ARHGAP10: variants seen among roughly 807,000 people sequenced by gnomAD.
The protein encoded by ARHGAP10 is Rho GTPase activating protein 10, also known as rho GTPase-activating protein 10.
Under a neutral mutation model 108.6 loss-of-function variants are expected in ARHGAP10, and 87 were observed. The ratio of observed to expected loss-of-function variants is 0.80; its 90% CI spans 0.67 to 0.96. ARHGAP10 has a LOEUF of 0.96. Ranked by LOEUF, ARHGAP10 falls within the 40% of genes least tolerant of loss-of-function variation. The probability of loss-of-function intolerance (pLI) is 0.00; values close to 1 mark genes in which losing one functional copy is unlikely to be tolerated. For synonymous variants in ARHGAP10, 347 were observed against 341.1 expected (o/e 1.02, Z -0.19); for missense variants, 939 against 954.5 (o/e 0.98, Z 0.21).
intron 10 of ARHGAP10, among the ~76,000 whole-genome samples, chr4:147,905,750 T>A (rs2126908163): frequency 6.7e-6 from 1 of 149,372 alleles, no homozygotes; most frequent in African/African-American, 2.4e-5. Context: ...TTTAAAGTAG[T>A]TTTTTCCAGT....
chr4:148,013,010 T>G (rs2149655691), intron 18 of ARHGAP10, among the ~76,000 whole-genome samples: 1 of 151,978 alleles, frequency 6.6e-6, no homozygotes, highest in South Asian at 2.1e-4. Flanking sequence ...TATTATCACC[T>G]TTGTAACATG....
chr4:148,030,003 CCA>C (rs1560883082), intron 19 of ARHGAP10, among the ~76,000 whole-genome samples: 1 of 151,566 alleles, frequency 6.6e-6, no homozygotes, highest in Admixed American at 6.6e-5. Flanking sequence ...ATCCCCCCCC[CCA>C]CCAACCCCAA....
intron 1 of ARHGAP10, among the ~76,000 whole-genome samples, chr4:147,789,371 C>T (rs922840204): frequency 5.3e-5 from 8 of 152,216 alleles, no homozygotes; most frequent in African/African-American, 1.9e-4. Context: ...CTCACTGCTA[C>T]CTCTGCCTCC....
intron 22 of ARHGAP10, among the ~76,000 whole-genome samples, chr4:148,071,640 A>AG (rs1730186087): frequency 7.1e-6 from 1 of 141,510 alleles, no homozygotes. Flanking sequence ...CAAACAAACA[A>AG]AAAAAAACAC....
intron 8 of ARHGAP10, among the ~76,000 whole-genome samples, chr4:147,877,315 CA>C (rs1735114908): frequency 6.6e-6 from 1 of 151,828 alleles, no homozygotes; most frequent in Admixed American, 6.6e-5. Flanking sequence ...CTTTAAAACA[CA>C]AAGCAATGTT....
At chr4:147,925,153 C>T (rs1381820170) in intron 13 of ARHGAP10, among the ~76,000 whole-genome samples, 1 of 152,090 alleles carries the variant, frequency 6.6e-6, no homozygotes, top group Non-Finnish European at 1.5e-5. Context: ...GTAAAATAGC[C>T]AGAGGCTCAG....
At chr4:147,739,962 C>T (rs1728592854) in intron 1 of ARHGAP10, among the ~76,000 whole-genome samples, 1 of 151,918 alleles carries the variant, frequency 6.6e-6, no homozygotes. Flanking sequence ...TCTCGAACTC[C>T]TGACATCAGG....
At chr4:147,735,580 G>T (rs185263813) in intron 1 of ARHGAP10, among the ~76,000 whole-genome samples, 1 of 152,316 alleles carries the variant, frequency 6.6e-6, no homozygotes, top group East Asian at 1.9e-4. Context: ...TAAAAACAAG[G>T]TTAGGAATGT....
chr4:148,044,993 TAGACTC>T (rs557257594), intron 19 of ARHGAP10, among the ~76,000 whole-genome samples: 37 of 152,234 alleles, frequency 2.4e-4, no homozygotes, highest in African/African-American at 6.7e-4. Flanking sequence ...ACTTTATAAA[TAGACTC>T]AGACAAGAAG....
At chr4:147,943,594 A>G (rs1374929851) in intron 14 of ARHGAP10, among the ~76,000 whole-genome samples, 1 of 152,204 alleles carries the variant, frequency 6.6e-6, no homozygotes, top group Non-Finnish European at 1.5e-5. Context: ...AGCGTGAAAC[A>G]TTCACCCAAA....
intron 20 of ARHGAP10, among the ~76,000 whole-genome samples, chr4:148,060,490 C>T (rs563840256): frequency 1.1e-4 from 17 of 151,992 alleles, no homozygotes; most frequent in Non-Finnish European, 2.4e-4. Context: ...TCACTTGCCT[C>T]ACCTGATCCT....
intron 1 of ARHGAP10, among the ~76,000 whole-genome samples, chr4:147,789,991 A>ATTT (rs767313173): frequency 5.1e-5 from 6 of 117,808 alleles, no homozygotes; most frequent in African/African-American, 1.8e-4. Flanking sequence ...TGGTGTGTGG[A>ATTT]TTTTTTTTTT....
intron 18 of ARHGAP10, among the ~76,000 whole-genome samples, chr4:147,990,880 G>A (rs75759772): frequency 0.046 from 7,047 of 152,082 alleles, 174 homozygotes; most frequent in South Asian, 0.056. Context: ...GCCTGGTGTT[G>A]TGGTGCATAC....
In ARHGAP10 at chr4:147,946,656, C is replaced by A; in HGVS notation, c.1343C>A (p.Ala448Glu). 6.2e-7 allele frequency: 1 copy of A among 1,612,322 alleles called. No individual in the cohort carries two copies. The highest frequency in any genetic ancestry group is 8.5e-7 in the Non-Finnish European group (1 of 1,179,390). Residue 448 changes from alanine to glutamate, a missense_variant, in exon 15 of 23, where the codon GCA (alanine) becomes GAA (glutamate). Coordinates refer to ENST00000336498, the MANE Select transcript of ARHGAP10 (RefSeq NM_024605.4). ...TCNEVDLENS[A>E]DWEVKTITSA... The stretch of plus-strand genomic sequence containing the variant: ...AATGAGGTGGACCTGGAGAATTCTG[C>A]AGATTGGGAAGTGAAGACAATAACA...
intron 5 of ARHGAP10, 112 bp downstream of exon 5, chr4:147,857,766 C>A (rs1734154569): frequency 2.1e-6 from 2 of 948,432 alleles, no homozygotes; most frequent in Non-Finnish European, 2.8e-6. Flanking sequence ...ATAGAGATAA[C>A]AAAAAGTGAA....
chr4:147,900,377 A>G (rs1736189865), intron 10 of ARHGAP10, among the ~76,000 whole-genome samples: 2 of 152,248 alleles, frequency 1.3e-5, no homozygotes, highest in African/African-American at 4.8e-5. Flanking sequence ...TTCAGATTCC[A>G]ATTCCCAAAC....
chr4:147,982,942 A>G (rs965506803), intron 18 of ARHGAP10, among the ~76,000 whole-genome samples: 4 of 152,078 alleles, frequency 2.6e-5, no homozygotes, highest in Admixed American at 6.5e-5. Context: ...GTGCACTGGT[A>G]TAATCACAGC....
chr4:147,909,162 T>A (rs2126914115), intron 11 of ARHGAP10, among the ~76,000 whole-genome samples: 1 of 152,314 alleles, frequency 6.6e-6, no homozygotes, highest in South Asian at 2.1e-4. Context: ...AGAGAAATAC[T>A]TATATTTAGT....
At chr4:147,880,100 G>T (rs1374201723) in intron 9 of ARHGAP10, among the ~76,000 whole-genome samples, 3 of 152,232 alleles carry the variant, frequency 2.0e-5, no homozygotes. Context: ...AGAGTTGGCT[G>T]TGTAGGAAAG....
Sources: gnomAD v4.1 joint callset for allele counts (sites outside exome capture counted in the v4.1 genomes callset) on GRCh38, gnomAD v4.1.1 for gene constraint, MANE v1.5 for transcripts, NCBI Gene and HGNC (gene_info 2026-07-23, HGNC 2026-07-21) for gene names.